Variants in HOOK1 observed in about 807,000 individuals in gnomAD.
The protein encoded by HOOK1 is protein Hook homolog 1.
A neutral mutation model predicts 112.8 loss-of-function variants in HOOK1; 60 were observed. That is an observed-to-expected ratio of 0.53 (90% CI 0.43 to 0.66). The LOEUF (loss-of-function observed/expected upper bound fraction) is 0.66. Ranked by LOEUF, HOOK1 falls within the 30% of genes least tolerant of loss-of-function variation. HOOK1 has a pLI of 0.00. For synonymous variants in HOOK1, 294 were observed against 283.8 expected (o/e 1.04, Z -0.36); for missense variants, 770 against 856.0 (o/e 0.90, Z 1.25).
intron 3 of HOOK1, among the ~76,000 whole-genome samples, chr1:59,831,047 C>T (rs2098393597): frequency 6.6e-6 from 1 of 151,744 alleles, no homozygotes; most frequent in Non-Finnish European, 1.5e-5. Flanking sequence ...ATTACAGGTG[C>T]CCACCACCAT....
intron 11 of HOOK1, 113 bp from the exon 12 acceptor site, chr1:59,848,960 G>T (rs1484322425): frequency 7.8e-6 from 4 of 509,630 alleles, no homozygotes; most frequent in African/African-American, 6.0e-5. Context: ...TGCAATTTTA[G>T]TGTAGATATT....
chr1:59,851,915 A>T (rs1229495683), intron 12 of HOOK1, among the ~76,000 whole-genome samples: 1 of 151,596 alleles, frequency 6.6e-6, no homozygotes, highest in Non-Finnish European at 1.5e-5. Flanking sequence ...CTTTTTCTGG[A>T]TCAGTGAGAT....
chr1:59,836,622 T>G (rs1442606542), intron 6 of HOOK1, among the ~76,000 whole-genome samples: 1 of 152,186 alleles, frequency 6.6e-6, no homozygotes, highest in Non-Finnish European at 1.5e-5. Flanking sequence ...AATTTGTCAG[T>G]ACACAAGTAT....
chr1:59,822,022 C>A, intron 2 of HOOK1, 79 bp downstream of exon 2: 2 of 1,151,374 alleles, frequency 1.7e-6, no homozygotes, highest in Non-Finnish European at 1.3e-6. Flanking sequence ...ACTTGAATTC[C>A]AAAGGTTGTT....
At chr1:59,829,977 G>C (rs751370558) in intron 3 of HOOK1, among the ~76,000 whole-genome samples, 1 of 152,022 alleles carries the variant, frequency 6.6e-6, no homozygotes, top group Non-Finnish European at 1.5e-5. Flanking sequence ...GAGTAAATTA[G>C]AAGTAGGTAA....
chr1:59,868,304 C>T lies in HOOK1; in HGVS notation c.1900C>T (p.Leu634=). The T allele has an allele frequency of 6.2e-7, 1 of 1,611,628 alleles. No homozygotes were observed. Among genetic ancestry groups the T allele is most frequent in the Non-Finnish European group, 8.5e-7 (1 of 1,178,438 alleles). ...TCCAGCATCAGCTGAAATAATGCTA[C>T]TAAGAAAGCAGTTGGCAGAGAAAGA... is the stretch of plus-strand genomic sequence containing the variant. ...LNPASAEIML[L]RKQLAEKERR... is the part of the protein sequence containing the mutation. The change falls in exon 20 of 22, where the codon CTA becomes TTA. Residue 634 remains leucine, a synonymous_variant. Coordinates refer to ENST00000371208, the MANE Select transcript of HOOK1 (RefSeq NM_015888.6).
intron 2 of HOOK1, among the ~76,000 whole-genome samples, chr1:59,823,061 C>G (rs1288682342): frequency 6.6e-6 from 1 of 152,206 alleles, no homozygotes; most frequent in Non-Finnish European, 1.5e-5. Flanking sequence ...TGGCTCAAGC[C>G]TGTAATCCCA....
At chr1:59,815,835 C>T (rs2098380984) in intron 1 of HOOK1, among the ~76,000 whole-genome samples, 1 of 151,956 alleles carries the variant, frequency 6.6e-6, no homozygotes, top group Non-Finnish European at 1.5e-5. Flanking sequence ...AAATGGACAG[C>T]ATTTTCTTTA....
rs2098380024 is a variant in HOOK1, at chr1:59,815,023, T to G, written c.-95T>G. 7.6e-7 allele frequency: 1 copy of G among 1,309,524 alleles called. No individual in the cohort carries two copies. The highest frequency in any genetic ancestry group is 1.3e-5 in the South Asian group (1 of 78,620). The allele number at this position is 1,309,524 out of a possible 1,614,324, so 81.1% of individuals were successfully genotyped here. A position where few individuals can be genotyped will look rare whatever the true frequency, so the allele number is the denominator to read the frequency against. Reference sequence around the variant, plus strand: ...GGTCGGGCCTGGTACCGAGCTTTCCTGGGGGCTAGCAGGTCGTGGACGCCG... The same window carrying G: ...GGTCGGGCCTGGTACCGAGCTTTCCGGGGGGCTAGCAGGTCGTGGACGCCG... On this transcript the variant is annotated 5_prime_UTR_variant, in exon 1 of 22. Transcript: ENST00000371208.
chr1:59,863,756 A>G (rs190549901), intron 16 of HOOK1: 1 of 617,586 alleles, frequency 1.6e-6, no homozygotes, highest in African/African-American at 2.0e-5. Flanking sequence ...AAAGAGTTGC[A>G]TTTTCTTTCT....
rs1574232800 is a variant in HOOK1, at chr1:59,873,273, G to A, written c.*308G>A. 1 of 194,064 alleles carries A rather than the reference G, an allele frequency of 5.2e-6. No individual in the cohort carries two copies. The highest frequency in any genetic ancestry group is 1.2e-4 in the East Asian group (1 of 8,370). The allele number at this position is 194,064 out of a possible 1,614,324, so 12.0% of individuals were successfully genotyped here. A position where few individuals can be genotyped will look rare whatever the true frequency, so the allele number is the denominator to read the frequency against. Reference sequence around the variant, plus strand: ...TTGGCCTTGTATATTTTAGTTAAATGTTTTCAGTTGTATTAGTAACTTAAT... The same window carrying A: ...TTGGCCTTGTATATTTTAGTTAAATATTTTCAGTTGTATTAGTAACTTAAT... On this transcript the variant is annotated 3_prime_UTR_variant, in exon 22 of 22. Coordinates refer to ENST00000371208, the MANE Select transcript of HOOK1 (RefSeq NM_015888.6).
At chr1:59,859,715 A>G (rs912565040) in intron 14 of HOOK1, among the ~76,000 whole-genome samples, 1 of 151,984 alleles carries the variant, frequency 6.6e-6, no homozygotes, top group Non-Finnish European at 1.5e-5. Context: ...TTTTTCAGAA[A>G]CAAAAGATCT....
In HOOK1 at chr1:59,858,792, A is replaced by G. The variant is rs530756899; in HGVS notation, c.1331-193A>G. Among the ~76,000 whole-genome samples, 125 of 116,182 alleles carry G rather than the reference A, an allele frequency of 1.1e-3. 1 individual carries two copies. The highest frequency in any genetic ancestry group is 1.8e-3 in the Non-Finnish European group (107 of 58,850). The allele number at this position is 116,182 out of a possible 152,430, so 76.2% of individuals were successfully genotyped here. On this transcript the variant is annotated intron_variant, in intron 13 of 21. Transcript: ENST00000371208. ...GAAGGAAGGAAGGAAGGAGCACGGG[A>G]GGGAGGGAAAGGAAGGAAAGGAAAG...
At chr1:59,834,036 C>A (rs1413883463) in intron 5 of HOOK1, among the ~76,000 whole-genome samples, 1 of 152,080 alleles carries the variant, frequency 6.6e-6, no homozygotes, top group Non-Finnish European at 1.5e-5. Context: ...TTGGTATATC[C>A]AAACACAGTG....
chr1:59,822,892 C>T (rs534743388), intron 2 of HOOK1, among the ~76,000 whole-genome samples: 5 of 152,054 alleles, frequency 3.3e-5, no homozygotes, highest in Admixed American at 6.6e-5. Context: ...TGATCTCTTG[C>T]GAATAGACTG....
At chr1:59,832,726 T>C (rs1471108608) in intron 4 of HOOK1, among the ~76,000 whole-genome samples, 1 of 152,098 alleles carries the variant, frequency 6.6e-6, no homozygotes, top group Non-Finnish European at 1.5e-5. Flanking sequence ...GTTTTTGATA[T>C]AAGAGAGTTT....
chr1:59,858,989 A>T lies in HOOK1; in HGVS notation c.1335A>T (p.Ala445=). The change falls in exon 14 of 22, where the codon GCA becomes GCT. Residue 445 remains alanine, a synonymous_variant. Coordinates refer to ENST00000371208, the MANE Select transcript of HOOK1 (RefSeq NM_015888.6). ...TTATTTTTTGTTATTTTTTAGATGC[A>T]TCTGCTACAAAAAGTTATGAGAATC... ...VQQDHLNQTD[A]SATKSYENLA... 9 of 1,560,196 alleles carry T rather than the reference A, an allele frequency of 5.8e-6. No homozygotes were observed. The highest frequency in any genetic ancestry group is 7.9e-6 in the Non-Finnish European group (9 of 1,134,530).
At chr1:59,855,799 G>A (rs958444798) in intron 12 of HOOK1, among the ~76,000 whole-genome samples, 1 of 149,258 alleles carries the variant, frequency 6.7e-6, no homozygotes, top group African/African-American at 2.5e-5. Flanking sequence ...TTGAGACATG[G>A]TCTTGCTCTG....
At chr1:59,861,744 C>T (rs965000846) in intron 15 of HOOK1, among the ~76,000 whole-genome samples, 1 of 152,102 alleles carries the variant, frequency 6.6e-6, no homozygotes, top group African/African-American at 2.4e-5. Flanking sequence ...GGTAACTTCC[C>T]TGTTATAAAT....
Sources: gnomAD v4.1 joint callset for allele counts (sites outside exome capture counted in the v4.1 genomes callset) on GRCh38, gnomAD v4.1.1 for gene constraint, MANE v1.5 for transcripts, NCBI Gene and HGNC (gene_info 2026-07-23, HGNC 2026-07-21) for gene names.